Variants in SLFN12L observed in about 807,000 individuals in gnomAD.
SLFN12L encodes schlafen family member 12 like, also known as schlafen family member 12-like.
In SLFN12L, 34 loss-of-function variants were observed where a neutral mutation model predicts 34.8. The ratio of observed to expected loss-of-function variants is 0.98; its 90% CI spans 0.74 to 1.30. The LOEUF is 1.30. SLFN12L is among the 50% of genes most tolerant of loss of function. The pLI, the probability that SLFN12L is intolerant of heterozygous loss-of-function variation, is 0.00. For synonymous variants in SLFN12L, 259 were observed against 247.5 expected, an observed-to-expected ratio of 1.05 and a Z score of -0.44; for missense variants, 703 against 696.2, an observed-to-expected ratio of 1.01 and a Z score of -0.11.
chr17:35,478,305 A>G (rs1372553310), intron 3 of SLFN12L, 120 bp from the exon 4 acceptor site: 5 of 618,160 alleles, frequency 8.1e-6, no homozygotes, highest in Non-Finnish European at 1.4e-5. Flanking sequence ...TTCCCAATAC[A>G]GAACATTAGA....
intron 1 of SLFN12L, among the ~76,000 whole-genome samples, chr17:35,524,655 A>G (rs1244915108): frequency 1.3e-5 from 2 of 152,220 alleles, no homozygotes; most frequent in African/African-American, 4.8e-5. Flanking sequence ...AAGGAAAACT[A>G]ACAAACAGAA....
In SLFN12L at chr17:35,473,354, A is replaced by C. The variant is rs994021890; in HGVS notation, c.*1569T>G. On this transcript the variant is annotated 3_prime_UTR_variant, in exon 5 of 5. Transcript: ENST00000628453. ...ATACCCAGTTTATTGAGAGTTTTTA[A>C]CATAAAGGGATGTTGAATTTTGTCA... is the stretch of plus-strand genomic sequence containing the variant. Among the ~76,000 whole-genome samples the C allele has an allele frequency of 6.6e-6, 1 of 152,150 alleles. No individual in the cohort carries two copies. Among genetic ancestry groups the C allele is most frequent in the African/African-American group, 2.4e-5 (1 of 41,436 alleles).
intron 2 of SLFN12L, among the ~76,000 whole-genome samples, chr17:35,481,168 C>T (rs924400451): frequency 6.6e-6 from 1 of 152,206 alleles, no homozygotes; most frequent in Non-Finnish European, 1.5e-5. Context: ...GGAAGGCACC[C>T]GTCACCTAGC....
At chr17:35,490,876 G>C (rs961450977) in intron 2 of SLFN12L, 2 of 872,668 alleles carry the variant, frequency 2.3e-6, no homozygotes, top group Non-Finnish European at 4.0e-6. Context: ...CTTATGTCCA[G>C]AAGAGACTGA....
chr17:35,476,829 A>G (rs1211778854), intron 4 of SLFN12L, among the ~76,000 whole-genome samples: 1 of 152,084 alleles, frequency 6.6e-6, no homozygotes, highest in Non-Finnish European at 1.5e-5. Flanking sequence ...GAAATGTAAC[A>G]TCTACTAAAG....
At chr17:35,497,809 A>G (rs1475930633) in intron 2 of SLFN12L, among the ~76,000 whole-genome samples, 7 of 152,232 alleles carry the variant, frequency 4.6e-5, no homozygotes, top group Admixed American at 1.3e-4. Flanking sequence ...CAACTTCAGA[A>G]GCATTAAATT....
chr17:35,483,306 C>T (rs1338018664), intron 2 of SLFN12L, among the ~76,000 whole-genome samples: 1 of 152,208 alleles, frequency 6.6e-6, no homozygotes, highest in Admixed American at 6.5e-5. Context: ...TCATCTTCGT[C>T]TTGTTCACCC....
At chr17:35,506,620 C>A (rs553801072) in intron 2 of SLFN12L, among the ~76,000 whole-genome samples, 113 of 152,252 alleles carry the variant, frequency 7.4e-4, no homozygotes, top group Middle Eastern at 3.4e-3. Context: ...CTATGATGAA[C>A]TAAATGTGCC....
intron 2 of SLFN12L, among the ~76,000 whole-genome samples, chr17:35,516,923 G>A (rs1295613914): frequency 3.9e-5 from 6 of 152,252 alleles, no homozygotes; most frequent in African/African-American, 1.4e-4. Flanking sequence ...AATGATTCAT[G>A]TAATTTTTCA....
Position 35,485,677 on chromosome 17 carries a change from T to C in SLFN12L, c.87-5482A>G, listed in dbSNP as rs193134489. Among the ~76,000 whole-genome samples, 553 of 152,368 alleles carry C rather than the reference T, an allele frequency of 3.6e-3. 6 individuals carry two copies. The highest frequency in any genetic ancestry group is 0.013 in the African/African-American group (528 of 41,598). ...TTACATTTCAGTCTTAATTTTGAGT[T>C]AATTTTTGTATATGGTGAGAGACAG... On this transcript the variant is annotated intron_variant, in intron 2 of 4. Coordinates refer to ENST00000628453, the MANE Select transcript of SLFN12L (RefSeq NM_001363830.2).
Position 35,477,183 on chromosome 17 carries a change from G to A in SLFN12L, c.1276+892C>T, listed in dbSNP as rs114021216. Reference sequence around the variant, plus strand: ...ATCCCAGAGGTGGCGATCAGCAGGTGAAACTGAGTTTTCAGTAACTGGATC... The same window carrying A: ...ATCCCAGAGGTGGCGATCAGCAGGTAAAACTGAGTTTTCAGTAACTGGATC... On this transcript the variant is annotated intron_variant, in intron 4 of 4. Transcript: ENST00000628453. 2.3e-3 allele frequency among the ~76,000 whole-genome samples: 354 copies of A among 152,278 alleles called. 4 individuals carry two copies. The highest frequency in any genetic ancestry group is 8.1e-3 in the African/African-American group (337 of 41,564).
chr17:35,479,760 C>T lies in SLFN12L; in HGVS notation c.522G>A (p.Thr174=), dbSNP rs759797561. The T allele has an allele frequency of 2.2e-5, 35 of 1,613,914 alleles. No homozygotes were observed. Among genetic ancestry groups the T allele is most frequent in the East Asian group, 8.9e-5 (4 of 44,898 alleles). The change falls in exon 3 of 5, where the codon ACG becomes ACA. Residue 174 remains threonine (T), a synonymous_variant. Transcript: ENST00000628453. ...CAGAAGCATTCATGACTTTTGCAGA[C>T]GTTACATCTCTCTTGTACAAACTGG... The part of the protein sequence containing the change: ...LSSSLYKRDV[T]SAKVMNASAA...
At chr17:35,518,286 C>T (rs1915894423) in intron 2 of SLFN12L, among the ~76,000 whole-genome samples, 2 of 151,970 alleles carry the variant, frequency 1.3e-5, no homozygotes, top group Admixed American at 1.3e-4. Context: ...GTGTGGTGGC[C>T]CACGCCTGTA....
At chr17:35,536,857 A>G (rs1172798165) in intron 1 of SLFN12L, among the ~76,000 whole-genome samples, 2 of 151,606 alleles carry the variant, frequency 1.3e-5, no homozygotes, top group Non-Finnish European at 2.9e-5. Context: ...ATAGTGATGA[A>G]GCAATCAGCT....
Position 35,479,990 on chromosome 17 carries a change from C to A in SLFN12L, c.292G>T (p.Gly98Trp). The A allele has an allele frequency of 5.6e-6, 9 of 1,614,194 alleles. No homozygotes were observed. The highest frequency in any genetic ancestry group is 7.6e-6 in the Non-Finnish European group (9 of 1,180,018). The stretch of plus-strand genomic sequence containing the variant: ...TCAACTTCAGCCTTGATCACTCCCC[C>A]TCCAGAATTCAGCAGAGCACACACA... ...RAVCALLNSGGGVIKAEVENK... is the reference protein window; with the variant it reads ...RAVCALLNSGWGVIKAEVENK... Residue 98 changes from glycine (G) to tryptophan (W), a missense_variant, in exon 3 of 5, where the codon GGG becomes TGG. Gly to Trp is a radical substitution (Grantham distance 184). Transcript: ENST00000628453.
intron 2 of SLFN12L, among the ~76,000 whole-genome samples, chr17:35,501,402 C>T (rs1289349540): frequency 2.6e-5 from 4 of 152,212 alleles, no homozygotes; most frequent in African/African-American, 9.6e-5. Context: ...TCACCCACAG[C>T]GTGCCTGTAC....
intron 2 of SLFN12L, among the ~76,000 whole-genome samples, chr17:35,516,653 C>A (rs1419888964): frequency 2.6e-5 from 4 of 152,188 alleles, no homozygotes; most frequent in Admixed American, 6.5e-5. Flanking sequence ...GCAAAATCCA[C>A]CACCCCCTCC....
intron 2 of SLFN12L, among the ~76,000 whole-genome samples, chr17:35,495,363 G>C (rs576066601): frequency 2.0e-5 from 3 of 152,254 alleles, no homozygotes; most frequent in African/African-American, 7.2e-5. Context: ...AGGGTTTCTA[G>C]GTAGGTCAAT....
chr17:35,487,479 C>G (rs1914633624), intron 2 of SLFN12L, among the ~76,000 whole-genome samples: 1 of 152,118 alleles, frequency 6.6e-6, no homozygotes, highest in African/African-American at 2.4e-5. Context: ...CCACCCCCCC[C>G]GGACCCCCGG....
Sources: gnomAD v4.1 joint callset for allele counts (sites outside exome capture counted in the v4.1 genomes callset) on GRCh38, gnomAD v4.1.1 for gene constraint, MANE v1.5 for transcripts, NCBI Gene and HGNC (gene_info 2026-07-23, HGNC 2026-07-21) for gene names.